OSBPL6: variants seen among roughly 807,000 people sequenced by gnomAD.
OSBPL6 encodes the protein oxysterol binding protein like 6.
OSBPL6 carries 49 observed loss-of-function variants against 125.8 expected under a neutral mutation model. The ratio of observed to expected loss-of-function variants is 0.39; its 90% CI spans 0.31 to 0.49. OSBPL6 has a LOEUF of 0.49. Among genes scored for constraint, OSBPL6 ranks in the 20% least tolerant of loss-of-function variants. The pLI, the probability that OSBPL6 is intolerant of heterozygous loss-of-function variation, is 0.88. For missense variants in OSBPL6, 986 were observed against 1,135.4 expected, an observed-to-expected ratio of 0.87 and a Z score of 1.89; for synonymous variants, 394 against 391.8, an observed-to-expected ratio of 1.01 and a Z score of -0.07.
At chr2:178,351,032 A>G (rs894402834) in intron 12 of OSBPL6, among the ~76,000 whole-genome samples, 13 of 152,058 alleles carry the variant, frequency 8.5e-5, no homozygotes, top group African/African-American at 3.1e-4. Flanking sequence ...TCAAAGTTCA[A>G]TACTCTTTCT....
Position 178,306,305 on chromosome 2 carries a change from G to T in OSBPL6, c.102+19G>T. The T allele has an allele frequency of 6.7e-7, 1 of 1,485,838 alleles. No homozygotes were observed. The highest frequency in any genetic ancestry group is 9.4e-7 in the Non-Finnish European group (1 of 1,063,424). The allele number at this position is 1,485,838 out of a possible 1,614,324, so 92.0% of individuals were successfully genotyped here. ...TAGGCAGGTAAGAGAAGAGCATTAA[G>T]TGCCTTTGGTTGTTTTATGCAAATG... On this transcript the variant is annotated intron_variant, in intron 3 of 24. Coordinates refer to ENST00000190611, the MANE Select transcript of OSBPL6 (RefSeq NM_032523.4).
intron 2 of OSBPL6, among the ~76,000 whole-genome samples, chr2:178,298,208 T>C (rs1685933563): frequency 6.6e-6 from 1 of 152,252 alleles, no homozygotes; most frequent in Admixed American, 6.5e-5. Context: ...TGTGTCAGAA[T>C]TTCCTTCCTT....
At chr2:178,208,152 G>A (rs1574483808) in intron 1 of OSBPL6, among the ~76,000 whole-genome samples, 1 of 152,038 alleles carries the variant, frequency 6.6e-6, no homozygotes, top group Non-Finnish European at 1.5e-5. Flanking sequence ...CAGCGTGGTG[G>A]CACGTGCCTA....
upstream of OSBPL6, among the ~76,000 whole-genome samples, chr2:178,194,112 C>T (rs2088686103): frequency 6.6e-6 from 1 of 152,334 alleles, no homozygotes; most frequent in African/African-American, 2.4e-5. Flanking sequence ...CTCCCGAGCG[C>T]GGCCGGCTCA....
At chr2:178,271,113 T>A (rs1223997996) in intron 1 of OSBPL6, among the ~76,000 whole-genome samples, 2 of 152,212 alleles carry the variant, frequency 1.3e-5, no homozygotes, top group Non-Finnish European at 2.9e-5. Flanking sequence ...CTATCCAGTT[T>A]TTTTTAAATC....
chr2:178,320,310 A>G, intron 3 of OSBPL6: 1 of 1,612,524 alleles, frequency 6.2e-7, no homozygotes, highest in Non-Finnish European at 8.5e-7. Flanking sequence ...ATTTTTACCA[A>G]ATTAAAGAGC....
At chr2:178,264,455 G>A (rs949399332) in intron 1 of OSBPL6, among the ~76,000 whole-genome samples, 14 of 152,300 alleles carry the variant, frequency 9.2e-5, no homozygotes, top group East Asian at 1.9e-4. Context: ...ATAAGGGCCC[G>A]TTTCACAAGA....
chr2:178,243,555 A>C (rs1293741568), intron 1 of OSBPL6, among the ~76,000 whole-genome samples: 1 of 151,998 alleles, frequency 6.6e-6, no homozygotes, highest in Non-Finnish European at 1.5e-5. Flanking sequence ...AGCCCTATCC[A>C]TTCATCTCCA....
chr2:178,351,046 TA>T (rs534234540), intron 12 of OSBPL6, among the ~76,000 whole-genome samples: 7 of 151,908 alleles, frequency 4.6e-5, no homozygotes, highest in African/African-American at 9.7e-5. Flanking sequence ...TCTTTCTTGA[TA>T]AAAAAAACAC....
intron 12 of OSBPL6, among the ~76,000 whole-genome samples, chr2:178,350,776 GGTGCAAAAGGTAGA>G (rs1268239773): frequency 6.6e-6 from 1 of 152,146 alleles, no homozygotes; most frequent in African/African-American, 2.4e-5. Flanking sequence ...TGGGGAAGGA[GGTGCAAAAGGTAGA>G]GTGTGACCAC....
At chr2:178,221,912 C>T (rs2090356371) in intron 1 of OSBPL6, among the ~76,000 whole-genome samples, 1 of 152,132 alleles carries the variant, frequency 6.6e-6, no homozygotes, top group African/African-American at 2.4e-5. Context: ...TTATATTGTT[C>T]CCACTGGAGT....
At position 178,292,291 on chromosome 2, in the gene OSBPL6, TCTAA is replaced by T. The variant is rs368524244; in HGVS notation, c.-156+7173_-156+7176del. The stretch of plus-strand genomic sequence containing the variant: ...GAAGAATGATTAATATTTTAATAAG[TCTAA>T]CTTTGATGGTAATTTAAAATTTTAC... On this transcript the variant is annotated intron_variant, in intron 2 of 24. Coordinates refer to ENST00000190611, the MANE Select transcript of OSBPL6 (RefSeq NM_032523.4). Among the ~76,000 whole-genome samples the T allele has an allele frequency of 3.3e-4, 50 of 152,286 alleles. 1 individual carries two copies. In the East Asian group the frequency reaches 9.2e-3, roughly 28 times the overall value.
chr2:178,322,795 G>A (rs937589749), intron 3 of OSBPL6, among the ~76,000 whole-genome samples: 6 of 151,994 alleles, frequency 3.9e-5, no homozygotes, highest in African/African-American at 1.2e-4. Flanking sequence ...ATTTGTTGGT[G>A]GGGGAAGCAT....
chr2:178,304,508 C>T (rs1164447921), intron 2 of OSBPL6, among the ~76,000 whole-genome samples: 2 of 152,154 alleles, frequency 1.3e-5, no homozygotes, highest in Non-Finnish European at 2.9e-5. Flanking sequence ...CATCTGGTTC[C>T]TCCCATGACA....
intron 2 of OSBPL6, among the ~76,000 whole-genome samples, chr2:178,304,731 G>A (rs1686606489): frequency 6.6e-6 from 1 of 152,178 alleles, no homozygotes; most frequent in African/African-American, 2.4e-5. Context: ...TCAGACCATA[G>A]CAACTGTCAT....
At position 178,328,339 on chromosome 2, in the gene OSBPL6, G is replaced by A. The variant is rs1688881186; in HGVS notation, c.279G>A (p.Met93Ile). The A allele has an allele frequency of 1.2e-6, 2 of 1,613,888 alleles. No homozygotes were observed. Among genetic ancestry groups the A allele is most frequent in the Non-Finnish European group, 1.7e-6 (2 of 1,179,850 alleles). Residue 93 changes from methionine to isoleucine, a missense_variant, in exon 5 of 25, where the codon ATG becomes ATA. By Grantham distance (10) the Met-to-Ile change is conservative. Coordinates refer to ENST00000190611, the MANE Select transcript of OSBPL6 (RefSeq NM_032523.4). ...VQKPDKHEGF[M>I]LKKRKWPLKG... ...AACCAGACAAACATGAGGGCTTTAT[G>A]CTGAAGAAAAGAAAATGGCCTTTAA...
intron 13 of OSBPL6, among the ~76,000 whole-genome samples, chr2:178,363,332 C>T (rs1411772067): frequency 6.6e-6 from 1 of 152,174 alleles, no homozygotes; most frequent in East Asian, 1.9e-4. Context: ...TTCATTTGTT[C>T]ATTCCCTTAT....
intron 1 of OSBPL6, among the ~76,000 whole-genome samples, chr2:178,217,090 G>C (rs183469175): frequency 6.6e-6 from 1 of 152,262 alleles, no homozygotes; most frequent in Admixed American, 6.5e-5. Context: ...TTATATAAGA[G>C]AGTGCCTTTG....
chr2:178,289,016 CTTTT>C (rs58943076), intron 2 of OSBPL6, among the ~76,000 whole-genome samples: 2 of 130,602 alleles, frequency 1.5e-5, no homozygotes, highest in Non-Finnish European at 1.6e-5. Context: ...TCTTTTTCTT[CTTTT>C]TTTTTTTTTT....
Sources: allele counts gnomAD v4.1 joint callset (sites outside exome capture counted in the v4.1 genomes callset), GRCh38; gene constraint gnomAD v4.1.1; transcripts MANE v1.5; gene names NCBI Gene and HGNC (gene_info 2026-07-23, HGNC 2026-07-21).